SNAP91: variants seen among roughly 807,000 people sequenced by gnomAD.
SNAP91 encodes synaptosome associated protein 91.
SNAP91 carries 27 observed loss-of-function variants against 100.3 expected under a neutral mutation model. That is an observed-to-expected ratio of 0.27 (90% CI 0.20 to 0.37). SNAP91 has a LOEUF of 0.37. SNAP91 is among the 10% of genes least tolerant of loss of function. The pLI, the probability that SNAP91 is intolerant of heterozygous loss-of-function variation, is 1.00. For missense variants in SNAP91, 986 were observed against 1,123.7 expected (o/e 0.88, Z 1.75); for synonymous variants, 404 against 398.6 (o/e 1.01, Z -0.16).
chr6:83,680,387 A>T (rs2098972048), intron 2 of SNAP91, among the ~76,000 whole-genome samples: 1 of 152,072 alleles, frequency 6.6e-6, no homozygotes, highest in Admixed American at 6.6e-5. Context: ...CAGTAGAAAA[A>T]ATTTGGCACT....
rs566843302 is a variant in SNAP91 at position 83,568,552 on chromosome 6, C to T, written c.2442+6458G>A. Among the ~76,000 whole-genome samples, 349 of 151,886 alleles carry T rather than the reference C, an allele frequency of 2.3e-3. 8 individuals are homozygous for T. Among genetic ancestry groups the T allele is most frequent in the Non-Finnish European group, 1.0e-3 (71 of 67,962 alleles). ...TGCACTGTAAAACAGGAATAAGTAA[C>T]CCAGGAAGCACAGGGCTCCTGATGG... On this transcript the variant is annotated intron_variant, in intron 26 of 29. Coordinates refer to ENST00000369694, the MANE Select transcript of SNAP91 (RefSeq NM_001242792.2).
chr6:83,559,303 T>A (rs1222870275), intron 28 of SNAP91, among the ~76,000 whole-genome samples: 6 of 152,150 alleles, frequency 3.9e-5, no homozygotes, highest in Admixed American at 3.9e-4. Context: ...CAATCCTACA[T>A]AATGAAGCAT....
intron 24 of SNAP91, among the ~76,000 whole-genome samples, chr6:83,578,472 A>T (rs1182307933): frequency 6.6e-6 from 1 of 152,182 alleles, no homozygotes; most frequent in Non-Finnish European, 1.5e-5. Context: ...AATGGTGAGC[A>T]TCTTTTCATG....
At chr6:83,645,958 A>C (rs2097901207) in intron 7 of SNAP91, among the ~76,000 whole-genome samples, 1 of 152,220 alleles carries the variant, frequency 6.6e-6, no homozygotes, top group East Asian at 1.9e-4. Flanking sequence ...TATGCATTTA[A>C]GATTCCTTCA....
chr6:83,602,516 A>T (rs1455103800), intron 14 of SNAP91, among the ~76,000 whole-genome samples: 1 of 152,194 alleles, frequency 6.6e-6, no homozygotes, highest in Non-Finnish European at 1.5e-5. Context: ...ATCAAACAAG[A>T]TTGAGAAAAC....
chr6:83,707,954 T>C lies in SNAP91; in HGVS notation c.-27A>G, dbSNP rs748253948. 28 of 1,554,982 alleles carry C rather than the reference T, an allele frequency of 1.8e-5. No individual in the cohort carries two copies. Among genetic ancestry groups the C allele is most frequent in the Non-Finnish European group, 2.2e-5 (26 of 1,159,312 alleles). On this transcript the variant is annotated 5_prime_UTR_variant, in exon 2 of 30. Coordinates refer to ENST00000369694, the MANE Select transcript of SNAP91 (RefSeq NM_001242792.2). The stretch of plus-strand genomic sequence containing the variant: ...TTCTGTGGTCGCGTCTACCGCCTCC[T>C]CTTCTGCAGGAAACAAGGGGAGACG...
At chr6:83,691,264 C>A (rs974735817) in intron 2 of SNAP91, among the ~76,000 whole-genome samples, 1 of 152,046 alleles carries the variant, frequency 6.6e-6, no homozygotes, top group African/African-American at 2.4e-5. Flanking sequence ...AAGGACTAAA[C>A]TCTTAAATGT....
At chr6:83,639,897 C>T (rs9449673) in intron 8 of SNAP91, among the ~76,000 whole-genome samples, 6,504 of 152,102 alleles carry the variant, frequency 0.043, 455 homozygotes, top group African/African-American at 0.14. Flanking sequence ...CTGATAATTA[C>T]GGTTAAACCA....
intron 26 of SNAP91, among the ~76,000 whole-genome samples, chr6:83,571,137 G>A (rs1026643266): frequency 6.6e-6 from 1 of 150,886 alleles, no homozygotes; most frequent in Non-Finnish European, 1.5e-5. Context: ...GTGGAGTCTC[G>A]CTCTGTCACA....
At chr6:83,635,292 G>C (rs770128749) in intron 8 of SNAP91, among the ~76,000 whole-genome samples, 12 of 152,158 alleles carry the variant, frequency 7.9e-5, no homozygotes, top group Non-Finnish European at 1.5e-4. Context: ...AGGTCAAGAA[G>C]TACTTCTCTT....
intron 6 of SNAP91, among the ~76,000 whole-genome samples, chr6:83,658,477 CGGGCGCCTGCA>C (rs2098460112): frequency 1.3e-5 from 2 of 152,078 alleles, no homozygotes; most frequent in African/African-American, 4.8e-5. Flanking sequence ...GGCATGGTGG[CGGGCGCCTGCA>C]GTCCCAGCTG....
At chr6:83,617,870 C>T (rs1446746411) in intron 9 of SNAP91, among the ~76,000 whole-genome samples, 3 of 151,834 alleles carry the variant, frequency 2.0e-5, no homozygotes, top group Admixed American at 6.6e-5. Context: ...ACAAATTAGA[C>T]CTTAACAGCA....
At chr6:83,637,653 G>A (rs1297346595) in intron 8 of SNAP91, among the ~76,000 whole-genome samples, 1 of 152,188 alleles carries the variant, frequency 6.6e-6, no homozygotes, top group East Asian at 1.9e-4. Context: ...GGGCTCCCTG[G>A]GAAAGAAGAT....
At chr6:83,641,317 G>C in intron 7 of SNAP91, 115 bp from the exon 8 acceptor site, 1 of 517,064 alleles carries the variant, frequency 1.9e-6, no homozygotes, top group Non-Finnish European at 3.3e-6. Context: ...AAAACACTTG[G>C]CAGTAAAACT....
At chr6:83,559,955 T>G in intron 28 of SNAP91, 149 bp downstream of exon 28, 1 of 666,630 alleles carries the variant, frequency 1.5e-6, no homozygotes, top group Non-Finnish European at 2.7e-6. Flanking sequence ...ATCTCACTTT[T>G]GCAGATCTGT....
At chr6:83,663,574 C>T (rs779759068) in intron 3 of SNAP91, among the ~76,000 whole-genome samples, 3 of 151,948 alleles carry the variant, frequency 2.0e-5, no homozygotes, top group Non-Finnish European at 4.4e-5. Context: ...AACTTTTTTT[C>T]AATTCTAGGA....
intron 2 of SNAP91, among the ~76,000 whole-genome samples, chr6:83,669,461 T>C (rs761849284): frequency 1.3e-5 from 2 of 151,958 alleles, no homozygotes; most frequent in African/African-American, 2.4e-5. Flanking sequence ...ATATCTGGTA[T>C]CTTTTTGGTA....
intron 2 of SNAP91, among the ~76,000 whole-genome samples, chr6:83,683,194 C>T (rs545958906): frequency 6.6e-6 from 1 of 152,234 alleles, no homozygotes; most frequent in South Asian, 2.1e-4. Context: ...ACTGGCCCTT[C>T]CTTCTTCCCC....
intron 7 of SNAP91, among the ~76,000 whole-genome samples, chr6:83,648,204 C>T (rs954697881): frequency 4.6e-5 from 7 of 152,112 alleles, no homozygotes; most frequent in African/African-American, 1.4e-4. Context: ...TGTAAATAGC[C>T]ATACATTACA....
Sources: allele counts gnomAD v4.1 joint callset (sites outside exome capture counted in the v4.1 genomes callset), GRCh38; gene constraint gnomAD v4.1.1; transcripts MANE v1.5; gene names NCBI Gene and HGNC (gene_info 2026-07-23, HGNC 2026-07-21).